The following ATG13 variants were observed in gnomAD, a reference collection of about 807,000 sequenced individuals.
The protein encoded by ATG13 is autophagy-related protein 13.
ATG13 carries 23 observed loss-of-function variants against 65.5 expected under a neutral mutation model. The ratio of observed to expected loss-of-function variants is 0.35; its 90% CI spans 0.25 to 0.50. The LOEUF (loss-of-function observed/expected upper bound fraction) is 0.50. ATG13 is among the 20% of genes least tolerant of loss of function. ATG13 has a pLI of 0.98. For synonymous variants in ATG13, 252 were observed against 245.2 expected (o/e 1.03, Z -0.26); for missense variants, 566 against 677.0 (o/e 0.84, Z 1.82).
intron 16 of ATG13, 103 bp from the exon 17 acceptor site, chr11:46,668,691 G>A: frequency 6.0e-6 from 9 of 1,492,906 alleles, no homozygotes; most frequent in Non-Finnish European, 7.5e-6. Context: ...CGGCTTACGG[G>A]TTTGTAGCCA....
chr11:46,667,656 C>A, intron 14 of ATG13, 117 bp from the exon 15 acceptor site: 1 of 644,280 alleles, frequency 1.6e-6, no homozygotes, highest in Non-Finnish European at 2.6e-6. Flanking sequence ...CATTGATGGG[C>A]CAGTGGGGAC....
intron 5 of ATG13, chr11:46,648,871 G>A (rs1053047130): frequency 7.4e-6 from 2 of 271,672 alleles, no homozygotes; most frequent in Non-Finnish European, 1.4e-5. Context: ...TCATATGGTG[G>A]GATACTGTGG....
intron 1 of ATG13, among the ~76,000 whole-genome samples, chr11:46,622,076 CATAT>C (rs58391951): frequency 0.037 from 2,588 of 70,748 alleles, 29 homozygotes; most frequent in Non-Finnish European, 0.052. Context: ...TATTTATTTA[CATAT>C]ATATATATAT....
Position 46,665,305 on chromosome 11 carries a change from A to G in ATG13, c.1000-78A>G. On this transcript the variant is annotated intron_variant, in intron 13 of 18. Coordinates refer to ENST00000683050, the MANE Select transcript of ATG13 (RefSeq NM_001346311.2). ...GGTGATGGAAAAGTCAAAAGCAGAT[A>G]CCATCATGCTAGAATGTGAAGTTCC... The G allele has an allele frequency of 7.9e-6, 12 of 1,521,682 alleles. No homozygotes were observed. In the South Asian group the frequency reaches 1.1e-4, roughly 14 times the overall value. The allele number at this position is 1,521,682 out of a possible 1,614,324, so 94.3% of individuals were successfully genotyped here.
intron 2 of ATG13, among the ~76,000 whole-genome samples, chr11:46,640,341 T>A (rs962641256): frequency 2.0e-5 from 3 of 152,210 alleles, no homozygotes; most frequent in Non-Finnish European, 4.4e-5. Flanking sequence ...ATATTCAGTC[T>A]CTTGTTAAAA....
chr11:46,643,183 C>T (rs1013140297), intron 2 of ATG13, among the ~76,000 whole-genome samples: 1 of 152,138 alleles, frequency 6.6e-6, no homozygotes, highest in Non-Finnish European at 1.5e-5. Flanking sequence ...TTGTTTCAAA[C>T]GGCTGATTGA....
At chr11:46,651,632 A>G (rs2058920732) in intron 7 of ATG13, among the ~76,000 whole-genome samples, 1 of 152,364 alleles carries the variant, frequency 6.6e-6, no homozygotes, top group South Asian at 2.1e-4. Flanking sequence ...CGAATAGTAT[A>G]GCAAGATAGA....
intron 8 of ATG13, 98 bp from the exon 9 acceptor site, chr11:46,656,997 G>T (rs1338607287): frequency 2.0e-6 from 2 of 982,166 alleles, no homozygotes; most frequent in Non-Finnish European, 3.3e-6. Context: ...GATAATGCCA[G>T]AGATTACACA....
At chr11:46,639,790 T>G (rs186980171) in intron 2 of ATG13, among the ~76,000 whole-genome samples, 2 of 151,520 alleles carry the variant, frequency 1.3e-5, no homozygotes, top group Non-Finnish European at 1.5e-5. Context: ...GGTTTCTCTG[T>G]GGGGGGGCCT....
At position 46,657,538 on chromosome 11, in the gene ATG13, C is replaced by T. The variant is rs777478371; in HGVS notation, c.611C>T (p.Thr204Ile). The T allele has an allele frequency of 2.5e-6, 4 of 1,613,958 alleles. No individual in the cohort carries two copies. The highest frequency in any genetic ancestry group is 2.5e-6 in the Non-Finnish European group (3 of 1,179,866). The change falls in exon 10 of 19, where the codon ACC (threonine) becomes ATC (isoleucine). Residue 204 changes from threonine (T) to isoleucine (I), a missense_variant. Thr to Ile is a moderately conservative substitution (Grantham distance 89). This residue lies in a region of ATG13 where 179 missense variants were observed against 267.2 expected (regional missense o/e 0.67). Transcript: ENST00000683050. ...AFMSTRQFER[T>I]PPIMGIIIDH... is the part of the protein sequence containing the mutation. ...TTGTATTACAGGCAATTTGAGAGGA[C>T]CCCACCTATCATGGGGATTATTATT...
chr11:46,668,399 G>T, intron 15 of ATG13, 100 bp from the exon 16 acceptor site: 1 of 1,193,400 alleles, frequency 8.4e-7, no homozygotes, highest in Non-Finnish European at 1.2e-6. Context: ...CAGCATAGCT[G>T]TGTGAACTTG....
At chr11:46,629,287 C>T (rs1021613782) in intron 1 of ATG13, among the ~76,000 whole-genome samples, 3 of 152,146 alleles carry the variant, frequency 2.0e-5, no homozygotes, top group Non-Finnish European at 2.9e-5. Context: ...TTTACCTTTT[C>T]TAGAGCATGG....
intron 3 of ATG13, 39 bp from the exon 4 acceptor site, chr11:46,645,300 A>C (rs771571345): frequency 7.6e-6 from 12 of 1,581,682 alleles, no homozygotes; most frequent in Non-Finnish European, 1.0e-5. Flanking sequence ...AAGACTTTTC[A>C]TCATTTTAGG....
Position 46,669,517 on chromosome 11 carries a change from C to T in ATG13, c.1560C>T (p.Ser520=), listed in dbSNP as rs2063216603. The change falls in exon 18 of 19, where the codon TCC becomes TCT. Residue 520 remains serine (S), a synonymous_variant. Coordinates refer to ENST00000683050, the MANE Select transcript of ATG13 (RefSeq NM_001346311.2). ...TCTCCATAGATATTGGAGCACAGTC[C>T]ATGGCTGAAGACTTGGTATGGAAAC... ...SSLSIDIGAQ[S]MAEDLDSLPE... The T allele has an allele frequency of 6.2e-7, 1 of 1,613,932 alleles. No individual in the cohort carries two copies. Among genetic ancestry groups the T allele is most frequent in the Admixed American group, 1.7e-5 (1 of 59,988 alleles).
intron 2 of ATG13, 30 bp from the exon 3 acceptor site, chr11:46,644,249 A>C: frequency 6.8e-7 from 1 of 1,466,222 alleles, no homozygotes; most frequent in Non-Finnish European, 9.4e-7. Context: ...TAAAGATATT[A>C]GTCATATTTT....
intron 12 of ATG13, 67 bp from the exon 13 acceptor site, chr11:46,664,782 C>T: frequency 2.1e-6 from 3 of 1,424,408 alleles, no homozygotes; most frequent in Non-Finnish European, 3.0e-6. Flanking sequence ...TCTTGTTTGT[C>T]ACGCTCTGGG....
Position 46,673,488 on chromosome 11 carries a change from G to A in ATG13, c.*1156G>A, listed in dbSNP as rs1288735566. The stretch of plus-strand genomic sequence containing the variant: ...TGGGTGCTAAATGTGATGGCCACAT[G>A]TAGTGGTTAGGGGATGTTGTGTGTG... On this transcript the variant is annotated 3_prime_UTR_variant, in exon 19 of 19. Transcript: ENST00000683050. The A allele has an allele frequency of 6.6e-6, 1 of 152,288 alleles. No individual in the cohort carries two copies. Among genetic ancestry groups the A allele is most frequent in the African/African-American group, 2.4e-5 (1 of 41,454 alleles). 9.4% of individuals were successfully genotyped at this position (152,288 alleles called of 1,614,324 possible). A position where few individuals can be genotyped will look rare whatever the true frequency, so the allele number is the denominator to read the frequency against.
At chr11:46,659,524 G>T in intron 11 of ATG13, 39 bp downstream of exon 11, 1 of 1,506,484 alleles carries the variant, frequency 6.6e-7, no homozygotes, top group Non-Finnish European at 9.2e-7. Context: ...GTAGTTATTT[G>T]GTATATATAT....
chr11:46,673,988 G>A lies in ATG13; in HGVS notation c.*1656G>A, dbSNP rs1262382383. On this transcript the variant is annotated 3_prime_UTR_variant, in exon 19 of 19. Transcript: ENST00000683050. ...CGTGCTGCTGCTGCCACCAAGAAGT[G>A]TTAGCAGAAGCAGTAGCAGCCAACT... 2.0e-5 allele frequency: 3 copies of A among 152,380 alleles called. No individual in the cohort carries two copies. The East Asian group carries it at 5.8e-4, about 29-fold the overall frequency. The allele number at this position is 152,380 out of a possible 1,614,324, so 9.4% of individuals were successfully genotyped here.
Sources: gnomAD v4.1 joint callset for allele counts (sites outside exome capture counted in the v4.1 genomes callset) on GRCh38, gnomAD v4.1.1 for gene constraint, gnomAD v4.1.1 regional missense constraint, MANE v1.5 for transcripts, NCBI Gene and HGNC (gene_info 2026-07-23, HGNC 2026-07-21) for gene names.